NFIB: variants seen among roughly 807,000 people sequenced by gnomAD.
NFIB encodes nuclear factor 1 B-type.
NFIB carries 11 observed loss-of-function variants against 61.5 expected under a neutral mutation model. The ratio of observed to expected loss-of-function variants is 0.18; its 90% confidence interval spans 0.11 to 0.30. The LOEUF is 0.30. Ranked by LOEUF, NFIB falls within the 10% of genes least tolerant of loss-of-function variation. The probability of loss-of-function intolerance (pLI) is 1.00; values close to 1 mark genes in which losing one functional copy is unlikely to be tolerated. For missense variants in NFIB, 471 were observed against 608.9 expected (o/e 0.77, Z 2.38); for synonymous variants, 260 against 216.5 (o/e 1.20, Z -1.76).
intron 2 of NFIB, among the ~76,000 whole-genome samples, chr9:14,252,056 G>A (rs2055691243): frequency 6.6e-6 from 1 of 152,314 alleles, no homozygotes; most frequent in South Asian, 2.1e-4. Flanking sequence ...AAGGGTACAT[G>A]CATGTAAGGA....
At chr9:14,286,442 C>G (rs1475796203) in intron 2 of NFIB, among the ~76,000 whole-genome samples, 2 of 152,268 alleles carry the variant, frequency 1.3e-5, no homozygotes, top group Admixed American at 1.3e-4. Context: ...CTACCATGTA[C>G]ACACTACAAA....
the NFIB span, among the ~76,000 whole-genome samples, chr9:14,528,442 T>C: frequency 6.6e-6 from 1 of 152,152 alleles, no homozygotes; most frequent in African/African-American, 2.4e-5. Flanking sequence ...AAGAATAACC[T>C]TGGATAACAG....
At chr9:14,204,996 C>T (rs890711391) in intron 2 of NFIB, 2 of 274,464 alleles carry the variant, frequency 7.3e-6, no homozygotes, top group African/African-American at 2.2e-5. Flanking sequence ...GCTTACATTG[C>T]CAAGCTCAAA....
chr9:14,392,499 T>A (rs2061635730), intron 1 of NFIB, among the ~76,000 whole-genome samples: 1 of 152,164 alleles, frequency 6.6e-6, no homozygotes, highest in Non-Finnish European at 1.5e-5. Flanking sequence ...AGGCCAAGGC[T>A]GATGGATTGC....
intron 10 of NFIB, among the ~76,000 whole-genome samples, chr9:14,093,910 C>T (rs1156823840): frequency 6.6e-6 from 1 of 152,056 alleles, no homozygotes; most frequent in Non-Finnish European, 1.5e-5. Context: ...GAAAATAGTA[C>T]TTGATAAATA....
At chr9:14,255,763 C>G (rs981246273) in intron 2 of NFIB, among the ~76,000 whole-genome samples, 5 of 152,216 alleles carry the variant, frequency 3.3e-5, no homozygotes, top group Admixed American at 3.3e-4. Context: ...ACTGATGAGT[C>G]TTGGTGTGTT....
chr9:14,483,233 A>C, the NFIB span, among the ~76,000 whole-genome samples: 1 of 152,244 alleles, frequency 6.6e-6, no homozygotes, highest in African/African-American at 2.4e-5. Flanking sequence ...TTAAAAATTT[A>C]ACAGCAAAAT....
the NFIB span, among the ~76,000 whole-genome samples, chr9:14,415,826 C>T: frequency 2.6e-5 from 4 of 152,132 alleles, no homozygotes; most frequent in Non-Finnish European, 4.4e-5. Context: ...GAGACACCCC[C>T]GTATGGTACA....
the NFIB span, among the ~76,000 whole-genome samples, chr9:14,467,307 C>T: frequency 6.6e-6 from 1 of 152,154 alleles, no homozygotes; most frequent in South Asian, 2.1e-4. Flanking sequence ...TGTTCCTCTT[C>T]CCAGCACAGC....
chr9:14,528,980 G>A, the NFIB span, among the ~76,000 whole-genome samples: 25 of 152,164 alleles, frequency 1.6e-4, no homozygotes, highest in East Asian at 3.7e-3. Flanking sequence ...AACTGCTTAC[G>A]CGATTTTTCT....
chr9:14,145,779 T>A (rs1228468954), intron 6 of NFIB, among the ~76,000 whole-genome samples: 5 of 151,616 alleles, frequency 3.3e-5, no homozygotes, highest in Non-Finnish European at 7.4e-5. Context: ...GCCTCCTGAG[T>A]AGCTGAGACT....
In NFIB at chr9:14,148,269, C is replaced by T. The variant is rs2042494332; in HGVS notation, c.807-1462G>A. On this transcript the variant is annotated intron_variant, in intron 5 of 10. Transcript: ENST00000380953. Reference sequence around the variant, plus strand: ...GCCCAAATAGTTAGGATCACACACACATGCCACCAAGCCTTGCTAATTAAA... The same window carrying T: ...GCCCAAATAGTTAGGATCACACACATATGCCACCAAGCCTTGCTAATTAAA... 2.6e-5 allele frequency among the ~76,000 whole-genome samples: 4 copies of T among 151,958 alleles called. No individual in the cohort carries two copies. The South Asian group carries it at 8.3e-4, about 32-fold the overall frequency.
At chr9:14,199,776 A>ATT (rs143726750) in intron 2 of NFIB, among the ~76,000 whole-genome samples, 5 of 149,876 alleles carry the variant, frequency 3.3e-5, no homozygotes, top group African/African-American at 9.8e-5. Context: ...TCCAGGATCC[A>ATT]TTTTTTTTTT....
At chr9:14,448,732 C>G in the NFIB span, among the ~76,000 whole-genome samples, 143,772 of 152,276 alleles carry the variant, frequency 0.94, 67,946 homozygotes, top group African/African-American at 0.99. Context: ...GAGCTGTGTA[C>G]GGTGGTAACA....
rs1414259731 is a variant in NFIB at position 14,087,275 on chromosome 9, G to C, written c.*1034C>G. The stretch of plus-strand genomic sequence containing the variant: ...TTTATTTTTCTCAAGCACATGATTT[G>C]TCTTGATTTAATGCCTTTTTAATGC... On this transcript the variant is annotated 3_prime_UTR_variant, in exon 11 of 11. Coordinates refer to ENST00000380953, the MANE Select transcript of NFIB (RefSeq NM_001190737.2). 4.9e-6 allele frequency: 1 copy of C among 204,752 alleles called. No individual in the cohort carries two copies. Among genetic ancestry groups the C allele is most frequent in the Non-Finnish European group, 1.0e-5 (1 of 99,838 alleles). 12.7% of individuals were successfully genotyped at this position (204,752 alleles called of 1,614,324 possible).
chr9:14,106,427 C>A (rs1285703695), intron 10 of NFIB, among the ~76,000 whole-genome samples: 1 of 152,010 alleles, frequency 6.6e-6, no homozygotes, highest in Non-Finnish European at 1.5e-5. Context: ...AAAAAGCTAT[C>A]AGTAAAGGGG....
intron 1 of NFIB, among the ~76,000 whole-genome samples, chr9:14,365,202 A>G (rs1001663897): frequency 6.6e-6 from 1 of 152,190 alleles, no homozygotes; most frequent in Non-Finnish European, 1.5e-5. Context: ...GCTAAAAAAT[A>G]AATTTCGAGA....
chr9:14,110,675 T>C lies in NFIB; in HGVS notation c.1467+2324A>G, dbSNP rs551197363. ...GAAAGAATAATCTTTACTGAAGTCATTTAAACTATTTCTGTTTCTTTATTC... is the reference window on the plus strand; with the variant it reads ...GAAAGAATAATCTTTACTGAAGTCACTTAAACTATTTCTGTTTCTTTATTC... On this transcript the variant is annotated intron_variant, in intron 10 of 10. Coordinates refer to ENST00000380953, the MANE Select transcript of NFIB (RefSeq NM_001190737.2). Among the ~76,000 whole-genome samples, 417 of 152,226 alleles carry C rather than the reference T, an allele frequency of 2.7e-3. 2 individuals carry two copies. The highest frequency in any genetic ancestry group is 9.4e-3 in the African/African-American group (390 of 41,584).
intron 4 of NFIB, among the ~76,000 whole-genome samples, chr9:14,154,804 A>G (rs1381978744): frequency 6.6e-6 from 1 of 152,206 alleles, no homozygotes; most frequent in African/African-American, 2.4e-5. Context: ...TATTTGAGGA[A>G]CTACGGTTCA....
Sources: gnomAD v4.1 joint callset for allele counts (sites outside exome capture counted in the v4.1 genomes callset) on GRCh38, gnomAD v4.1.1 for gene constraint, MANE v1.5 for transcripts, NCBI Gene and HGNC (gene_info 2026-07-23, HGNC 2026-07-21) for gene names.